The following SESN3 variants were observed in gnomAD, a reference collection of about 807,000 sequenced individuals.
The protein encoded by SESN3 is sestrin-3.
SESN3 carries 21 observed loss-of-function variants against 55.3 expected under a neutral mutation model. The ratio of observed to expected loss-of-function variants is 0.38; its 90% CI spans 0.27 to 0.55. The LOEUF is 0.55. SESN3 is among the 20% of genes least tolerant of loss of function. SESN3 has a pLI of 0.76. For synonymous variants in SESN3, 181 were observed against 203.1 expected, an observed-to-expected ratio of 0.89 and a Z score of 0.93; for missense variants, 408 against 604.3, an observed-to-expected ratio of 0.68 and a Z score of 3.41.
intron 1 of SESN3, among the ~76,000 whole-genome samples, chr11:95,223,615 A>G (rs1349137731): frequency 6.6e-6 from 1 of 152,212 alleles, no homozygotes; most frequent in East Asian, 1.9e-4. Flanking sequence ...TGTCACTGAA[A>G]AGGTGGTAGA....
At position 95,173,401 on chromosome 11, in the gene SESN3, G is replaced by T. The variant is rs1389845651; in HGVS notation, c.1393-60C>A. On this transcript the variant is annotated intron_variant, in intron 9 of 9. Coordinates refer to ENST00000536441, the MANE Select transcript of SESN3 (RefSeq NM_144665.4). ...TATAAACACCTGGAAAATCTTATTA[G>T]ACATTCACAAAGGTTTTTTTATGTG... 3.7e-6 allele frequency: 4 copies of T among 1,079,552 alleles called. No individual in the cohort carries two copies. The African/African-American group carries it at 6.2e-5, about 17-fold the overall frequency. The allele number at this position is 1,079,552 out of a possible 1,614,324, so 66.9% of individuals were successfully genotyped here. A position where few individuals can be genotyped will look rare whatever the true frequency, so the allele number is the denominator to read the frequency against.
At chr11:95,206,115 T>C (rs1860541969) in intron 1 of SESN3, among the ~76,000 whole-genome samples, 1 of 152,112 alleles carries the variant, frequency 6.6e-6, no homozygotes, top group South Asian at 2.1e-4. Flanking sequence ...TGATGCCTGG[T>C]ATCATTTTGT....
In SESN3 at chr11:95,197,077, G is replaced by T. The variant is rs1860374886; in HGVS notation, c.79-3555C>A. Among the ~76,000 whole-genome samples the T allele has an allele frequency of 2.6e-5, 4 of 152,248 alleles. No homozygotes were observed. In the South Asian group the frequency reaches 8.3e-4, roughly 32 times the overall value. The stretch of plus-strand genomic sequence containing the variant: ...ATTACAGTCCCCAGAAAAGTATCAA[G>T]GGCACGCTCACTTTCCTTCCTTCTT... On this transcript the variant is annotated intron_variant, in intron 1 of 9. Transcript: ENST00000536441.
intron 5 of SESN3, 49 bp from the exon 6 acceptor site, chr11:95,184,643 C>T (rs1379603297): frequency 2.0e-6 from 3 of 1,527,142 alleles, no homozygotes; most frequent in Non-Finnish European, 2.7e-6. Flanking sequence ...TAAAAGTGTT[C>T]CAGTAAATAT....
rs1419190179 is a variant in SESN3 at position 95,172,544 on chromosome 11, A to T, written c.*711T>A. Reference sequence around the variant, plus strand: ...GAAACTTCCATTTTAGAAGAGAAAGAAAATAGCTGAATTTGGCATTTCAGT... The same window carrying T: ...GAAACTTCCATTTTAGAAGAGAAAGTAAATAGCTGAATTTGGCATTTCAGT... On this transcript the variant is annotated 3_prime_UTR_variant, in exon 10 of 10. Transcript: ENST00000536441. The T allele has an allele frequency of 6.6e-6, 1 of 152,236 alleles. No individual in the cohort carries two copies. Among genetic ancestry groups the T allele is most frequent in the African/African-American group, 2.4e-5 (1 of 41,458 alleles). 9.4% of individuals were successfully genotyped at this position (152,236 alleles called of 1,614,324 possible).
At chr11:95,197,201 A>T (rs1243991951) in intron 1 of SESN3, among the ~76,000 whole-genome samples, 1 of 152,168 alleles carries the variant, frequency 6.6e-6, no homozygotes, top group African/African-American at 2.4e-5. Context: ...TGTTGTACAG[A>T]GGAGGTCTAG....
chr11:95,229,073 C>T (rs908959905), intron 1 of SESN3, among the ~76,000 whole-genome samples: 1 of 152,210 alleles, frequency 6.6e-6, no homozygotes, highest in Admixed American at 6.5e-5. Flanking sequence ...CAATACAGTG[C>T]TCTTTTTCCT....
intron 6 of SESN3, among the ~76,000 whole-genome samples, chr11:95,179,902 C>T (rs887729414): frequency 2.6e-5 from 4 of 152,146 alleles, no homozygotes; most frequent in African/African-American, 9.7e-5. Flanking sequence ...CTGATTTCTG[C>T]ATACTTGATG....
At chr11:95,205,730 G>T (rs1860534637) in intron 1 of SESN3, among the ~76,000 whole-genome samples, 1 of 152,078 alleles carries the variant, frequency 6.6e-6, no homozygotes, top group Non-Finnish European at 1.5e-5. Flanking sequence ...ATTTTAATTT[G>T]CATTTAAAGA....
intron 1 of SESN3, chr11:95,201,325 G>C (rs1860457890): frequency 6.6e-6 from 1 of 152,012 alleles, no homozygotes; most frequent in Non-Finnish European, 1.5e-5. Context: ...AAGCAGTTAA[G>C]TATTTAAAGA....
intron 1 of SESN3, among the ~76,000 whole-genome samples, chr11:95,219,182 T>A (rs965070023): frequency 6.6e-6 from 1 of 152,152 alleles, no homozygotes; most frequent in Non-Finnish European, 1.5e-5. Context: ...ACAACACAAA[T>A]AGGTATTCCA....
intron 4 of SESN3, among the ~76,000 whole-genome samples, chr11:95,189,205 C>T (rs560334584): frequency 6.6e-6 from 1 of 151,936 alleles, no homozygotes; most frequent in Non-Finnish European, 1.5e-5. Flanking sequence ...CCCTGTAGGC[C>T]TTTGATGGAA....
chr11:95,197,702 T>C (rs1353561820), intron 1 of SESN3, among the ~76,000 whole-genome samples: 1 of 152,204 alleles, frequency 6.6e-6, no homozygotes. Context: ...TGTTCTCTTC[T>C]ATGGCTACCA....
intron 2 of SESN3, among the ~76,000 whole-genome samples, chr11:95,192,911 G>T (rs537685986): frequency 6.6e-6 from 1 of 151,974 alleles, no homozygotes; most frequent in Non-Finnish European, 1.5e-5. Context: ...TGTTCTAACT[G>T]GATGCTTAAG....
chr11:95,193,017 A>G (rs769487570), intron 2 of SESN3, among the ~76,000 whole-genome samples: 1 of 152,116 alleles, frequency 6.6e-6, no homozygotes, highest in African/African-American at 2.4e-5. Context: ...GGAAGTCTTT[A>G]TATGTAGTAG....
At position 95,168,364 on chromosome 11, in the gene SESN3, T is replaced by C. The variant is rs534971996; in HGVS notation, c.*4891A>G. On this transcript the variant is annotated 3_prime_UTR_variant, in exon 10 of 10. Coordinates refer to ENST00000536441, the MANE Select transcript of SESN3 (RefSeq NM_144665.4). Reference sequence around the variant, plus strand: ...TGGCAATTCAATCACTTTAAAATCCTGTTATATGCTAAATTCTGAACGATA... The same window carrying C: ...TGGCAATTCAATCACTTTAAAATCCCGTTATATGCTAAATTCTGAACGATA... 1 of 152,336 alleles carries C rather than the reference T, an allele frequency of 6.6e-6. No homozygotes were observed. Among genetic ancestry groups the C allele is most frequent in the South Asian group, 2.1e-4 (1 of 4,824 alleles). 9.4% of individuals were successfully genotyped at this position (152,336 alleles called of 1,614,324 possible).
intron 1 of SESN3, among the ~76,000 whole-genome samples, chr11:95,213,513 G>A (rs1009622037): frequency 6.6e-6 from 1 of 152,150 alleles, no homozygotes; most frequent in Non-Finnish European, 1.5e-5. Context: ...TAGAATCAAA[G>A]GGCTCTGCCT....
chr11:95,193,547 G>A lies in SESN3; in HGVS notation c.79-25C>T, dbSNP rs774811734. On this transcript the variant is annotated intron_variant, in intron 1 of 9. Transcript: ENST00000536441. ...CCTATTTTTAAAAGAAAAGTTTTAT[G>A]TATCAATGATGACTTTCTAAGAAAT... 4 of 1,298,530 alleles carry A rather than the reference G, an allele frequency of 3.1e-6. 1 individual carries two copies. The South Asian group carries it at 3.7e-5, about 12-fold the overall frequency. The allele number at this position is 1,298,530 out of a possible 1,614,324, so 80.4% of individuals were successfully genotyped here.
upstream of SESN3, chr11:95,231,269 C>A: frequency 2.5e-6 from 1 of 392,896 alleles, no homozygotes; most frequent in Non-Finnish European, 4.5e-6. Flanking sequence ...TCCCGCCAAT[C>A]GGACAGCTCC....
Sources: allele counts gnomAD v4.1 joint callset (sites outside exome capture counted in the v4.1 genomes callset), GRCh38; gene constraint gnomAD v4.1.1; transcripts MANE v1.5; gene names NCBI Gene and HGNC (gene_info 2026-07-23, HGNC 2026-07-21).